Variants in PDCD2L observed in about 807,000 individuals in gnomAD.
The protein encoded by PDCD2L is uS5 assembly chaperone PDCD2L.
A neutral mutation model predicts 40.4 loss-of-function variants in PDCD2L; 44 were observed. The ratio of observed to expected loss-of-function variants is 1.09; its 90% CI spans 0.86 to 1.40. PDCD2L has a LOEUF of 1.40. Ranked by LOEUF, PDCD2L falls within the 40% of genes most tolerant of loss-of-function variation. The pLI is 0.00. For missense variants in PDCD2L, 470 were observed against 453.7 expected, an observed-to-expected ratio of 1.04 and a Z score of -0.33; for synonymous variants, 194 against 174.6, an observed-to-expected ratio of 1.11 and a Z score of -0.88.
At chr19:34,424,035 T>C (rs2075164950) in intron 6 of PDCD2L, among the ~76,000 whole-genome samples, 1 of 151,998 alleles carries the variant, frequency 6.6e-6, no homozygotes, top group Non-Finnish European at 1.5e-5. Flanking sequence ...AATCCCACTT[T>C]CTCTTTTCAG....
Position 34,426,130 on chromosome 19 carries a change from T to TTAA in PDCD2L, c.*11_*12insAAT. ...ATTATTGTTTAAGTAGAGCATTTCC[T>TTAA]TTTATTAATATAAATTAAAACAAAT... On this transcript the variant is annotated 3_prime_UTR_variant, in exon 7 of 7. Transcript: ENST00000246535. 1 of 1,517,892 alleles carries TTAA rather than the reference T, an allele frequency of 6.6e-7. No homozygotes were observed. The highest frequency in any genetic ancestry group is 2.3e-5 in the East Asian group (1 of 44,280). The allele number at this position is 1,517,892 out of a possible 1,614,324, so 94.0% of individuals were successfully genotyped here.
intron 5 of PDCD2L, among the ~76,000 whole-genome samples, chr19:34,417,643 T>C (rs557774131): frequency 2.0e-5 from 3 of 150,952 alleles, no homozygotes; most frequent in Admixed American, 6.6e-5. Flanking sequence ...AGGAACATAA[T>C]AGACTTGGCT....
At chr19:34,424,771 G>A (rs1415685799) in intron 6 of PDCD2L, among the ~76,000 whole-genome samples, 8 of 136,450 alleles carry the variant, frequency 5.9e-5, no homozygotes, top group African/African-American at 2.2e-4. Flanking sequence ...TTGAGACAGA[G>A]TCTCACTCTG....
Position 34,426,011 on chromosome 19 carries a change from C to A in PDCD2L, c.968C>A (p.Thr323Lys), listed in dbSNP as rs1482199906. 6.2e-7 allele frequency: 1 copy of A among 1,612,178 alleles called. No individual in the cohort carries two copies. Among genetic ancestry groups the A allele is most frequent in the African/African-American group, 1.3e-5 (1 of 74,956 alleles). Residue 323 changes from threonine (T) to lysine (K), a missense_variant, in exon 7 of 7, where the codon ACA becomes AAA. Coordinates refer to ENST00000246535, the MANE Select transcript of PDCD2L (RefSeq NM_032346.2). Reference sequence around the variant, plus strand: ...TCAGGTCTTTCTGTGGAATTTGGAACAATTCTAGTTTACACATGTGAGAAG... The same window carrying A: ...TCAGGTCTTTCTGTGGAATTTGGAAAAATTCTAGTTTACACATGTGAGAAG... ...ANLGLSVEFG[T>K]ILVYTCEKSC...
At chr19:34,424,745 A>ATTTT (rs34350684) in intron 6 of PDCD2L, among the ~76,000 whole-genome samples, 2,927 of 130,662 alleles carry the variant, frequency 0.022, 140 homozygotes, top group East Asian at 0.12. Flanking sequence ...CCATTTTTTC[A>ATTTT]TTTTTTTTTT....
At position 34,409,165 on chromosome 19, in the gene PDCD2L, A is replaced by G. The variant is rs746238868; in HGVS notation, c.341A>G (p.Gln114Arg). 1.9e-6 allele frequency: 3 copies of G among 1,607,406 alleles called. No individual in the cohort carries two copies. The highest frequency in any genetic ancestry group is 3.3e-5 in the Admixed American group (2 of 59,818). The change falls in exon 4 of 7, where the codon CAG becomes CGG. Residue 114 changes from glutamine (Q) to arginine (R), a missense_variant. Transcript: ENST00000246535. ...ATTCACTGAGTATTTTTCCAGAAAC[A>G]GGGAAACAGCCTTGCAGCTGAGGAC... ...PEREAQDAQK[Q>R]GNSLAAEDWC...
At chr19:34,414,060 A>C (rs2075116371) in intron 5 of PDCD2L, among the ~76,000 whole-genome samples, 2 of 152,172 alleles carry the variant, frequency 1.3e-5, no homozygotes, top group Admixed American at 6.6e-5. Flanking sequence ...TGTCTAACAA[A>C]TACTTACGAA....
intron 3 of PDCD2L, among the ~76,000 whole-genome samples, chr19:34,408,032 T>G (rs2075084891): frequency 6.6e-6 from 1 of 152,028 alleles, no homozygotes; most frequent in Admixed American, 6.6e-5. Flanking sequence ...GTCAGCCTCC[T>G]GAGTAGATGG....
intron 6 of PDCD2L, 36 bp from the exon 7 acceptor site, chr19:34,425,954 T>C: frequency 6.3e-7 from 1 of 1,598,126 alleles, no homozygotes; most frequent in Non-Finnish European, 8.5e-7. Flanking sequence ...CTCATAACTC[T>C]TTTTGCTGGA....
At chr19:34,418,027 A>G (rs533594228) in intron 5 of PDCD2L, among the ~76,000 whole-genome samples, 2 of 152,202 alleles carry the variant, frequency 1.3e-5, no homozygotes, top group Non-Finnish European at 2.9e-5. Flanking sequence ...GCATTTTCCT[A>G]ATAACAAATG....
intron 6 of PDCD2L, 105 bp from the exon 7 acceptor site, chr19:34,425,885 C>T: frequency 8.5e-7 from 1 of 1,179,704 alleles, no homozygotes; most frequent in Admixed American, 2.3e-5. Context: ...ACTGTTTTTG[C>T]TTTACCTAAT....
intron 4 of PDCD2L, among the ~76,000 whole-genome samples, chr19:34,413,023 AGCCCAC>A (rs1324404364): frequency 5.3e-5 from 8 of 150,976 alleles, no homozygotes; most frequent in South Asian, 2.1e-4. Context: ...TACAGGCGTG[AGCCCAC>A]TGCACTGGCC....
chr19:34,422,224 T>C (rs189327887), intron 6 of PDCD2L: 1 of 149,366 alleles, frequency 6.7e-6, no homozygotes, highest in Non-Finnish European at 1.5e-5. Context: ...CTTGGCTCAC[T>C]GCAACCTCCA....
chr19:34,417,182 A>G (rs892535464), intron 5 of PDCD2L, among the ~76,000 whole-genome samples: 4 of 152,228 alleles, frequency 2.6e-5, no homozygotes, highest in Admixed American at 2.6e-4. Context: ...CAAAATGTAT[A>G]AGAACTTCAT....
rs1172099026 is a variant in PDCD2L, at chr19:34,413,657, A to G, written c.687-80A>G. 2.5e-5 allele frequency: 24 copies of G among 941,354 alleles called. No homozygotes were observed. The East Asian group carries it at 5.7e-4, about 22-fold the overall frequency. The allele number at this position is 941,354 out of a possible 1,614,324, so 58.3% of individuals were successfully genotyped here. On this transcript the variant is annotated intron_variant, in intron 4 of 6. Transcript: ENST00000246535. ...TGCCCTGATAAAATTTTTTAAAAGA[A>G]AATTATCTTGTTTTGTCTTGCAAAT...
At chr19:34,411,712 C>T (rs2075104236) in intron 4 of PDCD2L, among the ~76,000 whole-genome samples, 2 of 151,044 alleles carry the variant, frequency 1.3e-5, no homozygotes, top group Non-Finnish European at 3.0e-5. Context: ...TGGAGTACAG[C>T]GGTGTGATAA....
Position 34,417,174 on chromosome 19 carries a change from A to G in PDCD2L, c.797+3327A>G, listed in dbSNP as rs147284546. Among the ~76,000 whole-genome samples, 1,169 of 152,364 alleles carry G rather than the reference A, an allele frequency of 7.7e-3. 8 individuals carry two copies. Among genetic ancestry groups the G allele is most frequent in the Non-Finnish European group, 0.01 (702 of 68,032 alleles). On this transcript the variant is annotated intron_variant, in intron 5 of 6. Transcript: ENST00000246535. ...CACATCAGTCCCAGCAGATGCTTCA[A>G]AATGTATAAGAACTTCATAAGAATG...
chr19:34,411,084 G>GATTTTTT (rs1375822956), intron 4 of PDCD2L, among the ~76,000 whole-genome samples: 1 of 150,898 alleles, frequency 6.6e-6, no homozygotes, highest in Non-Finnish European at 1.5e-5. Flanking sequence ...CGCCCGGCAG[G>GATTTTTT]ATTTTTTATT....
chr19:34,418,157 C>T (rs548774710), intron 5 of PDCD2L, among the ~76,000 whole-genome samples: 4 of 152,296 alleles, frequency 2.6e-5, no homozygotes, highest in East Asian at 1.9e-4. Flanking sequence ...CAACAGACTG[C>T]GTATATTTTT....
Sources: gnomAD v4.1 joint callset for allele counts (sites outside exome capture counted in the v4.1 genomes callset) on GRCh38, gnomAD v4.1.1 for gene constraint, MANE v1.5 for transcripts, NCBI Gene and HGNC (gene_info 2026-07-23, HGNC 2026-07-21) for gene names.